Variants in SLC4A5 observed in about 807,000 individuals in gnomAD.
SLC4A5 encodes the protein electrogenic sodium bicarbonate cotransporter 4.
In SLC4A5, 96 loss-of-function variants were observed where a neutral mutation model predicts 120.4. That is an observed-to-expected ratio of 0.80 (90% confidence interval 0.68 to 0.94). SLC4A5 has a LOEUF of 0.94. Ranked by LOEUF, SLC4A5 falls within the 40% of genes least tolerant of loss-of-function variation. The probability of loss-of-function intolerance (pLI) is 0.00; values close to 1 mark genes in which losing one functional copy is unlikely to be tolerated. For synonymous variants in SLC4A5, 550 were observed against 571.1 expected, an observed-to-expected ratio of 0.96 and a Z score of 0.53; for missense variants, 1,259 against 1,459.5, an observed-to-expected ratio of 0.86 and a Z score of 2.24.
chr2:74,221,397 T>TA, intron 30 of SLC4A5, 37 bp downstream of exon 30: 1 of 1,497,674 alleles, frequency 6.7e-7, no homozygotes, highest in Admixed American at 1.7e-5. Flanking sequence ...CCTAGTCTCT[T>TA]ACCTAATACG....
intron 8 of SLC4A5, among the ~76,000 whole-genome samples, chr2:74,280,743 G>A: frequency 6.6e-6 from 1 of 151,768 alleles, no homozygotes; most frequent in Non-Finnish European, 1.5e-5. Flanking sequence ...GGAGTGCAAT[G>A]GCACGATCTC....
chr2:74,324,220 T>G (rs1299466196), intron 5 of SLC4A5, among the ~76,000 whole-genome samples: 2 of 152,180 alleles, frequency 1.3e-5, no homozygotes, highest in African/African-American at 4.8e-5. Context: ...AAGGCAGTGG[T>G]TCTCAAACTT....
At chr2:74,299,537 C>A (rs1002814351) in intron 7 of SLC4A5, among the ~76,000 whole-genome samples, 1 of 152,056 alleles carries the variant, frequency 6.6e-6, no homozygotes, top group Non-Finnish European at 1.5e-5. Context: ...TATAAATTAC[C>A]CAGTCTCAGT....
intron 7 of SLC4A5, among the ~76,000 whole-genome samples, chr2:74,294,930 C>T (rs1672283284): frequency 1.3e-5 from 2 of 152,138 alleles, no homozygotes; most frequent in South Asian, 2.1e-4. Context: ...CTCAGCCTCT[C>T]GAAGTGCTGG....
chr2:74,313,236 CT>C (rs1357161524), intron 6 of SLC4A5, among the ~76,000 whole-genome samples: 4 of 152,052 alleles, frequency 2.6e-5, no homozygotes, highest in African/African-American at 9.7e-5. Flanking sequence ...TCTCTCATCT[CT>C]GAGTGTATAA....
chr2:74,275,232 C>T (rs1558890051), intron 8 of SLC4A5, among the ~76,000 whole-genome samples: 2 of 152,164 alleles, frequency 1.3e-5, no homozygotes, highest in South Asian at 2.1e-4. Context: ...ATGGGGGTGG[C>T]CTCTGCTCCC....
rs757784751 is a variant in SLC4A5 at position 74,233,281 on chromosome 2, A to ATT, written c.2595+120_2595+121insAA. 2.2e-3 allele frequency: 2,585 copies of ATT among 1,165,528 alleles called. 5 individuals carry two copies. The highest frequency in any genetic ancestry group is 2.8e-3 in the Non-Finnish European group (2,259 of 794,186). The allele number at this position is 1,165,528 out of a possible 1,614,324, so 72.2% of individuals were successfully genotyped here. A position where few individuals can be genotyped will look rare whatever the true frequency, so the allele number is the denominator to read the frequency against. ...CCTCAACACACCAAGTGGGAACTCTAGTCTCTGTCCTCATATTTTCCTGGC... is the reference window on the plus strand; with the variant it reads ...CCTCAACACACCAAGTGGGAACTCTATTGTCTCTGTCCTCATATTTTCCTGGC... On this transcript the variant is annotated intron_variant, in intron 23 of 30. Transcript: ENST00000394019.
intron 10 of SLC4A5, among the ~76,000 whole-genome samples, chr2:74,262,991 G>A (rs1168156362): frequency 6.6e-6 from 1 of 152,238 alleles, no homozygotes; most frequent in Non-Finnish European, 1.5e-5. Context: ...GTAGTTAAGT[G>A]CTGAGTATGT....
At chr2:74,319,320 T>C (rs1418423292) in intron 5 of SLC4A5, 1 of 152,180 alleles carries the variant, frequency 6.6e-6, no homozygotes, top group Non-Finnish European at 1.5e-5. Context: ...ATGAAATATA[T>C]GCATGTAAGA....
intron 4 of SLC4A5, among the ~76,000 whole-genome samples, chr2:74,332,132 C>T (rs1340998114): frequency 1.3e-5 from 2 of 152,164 alleles, no homozygotes; most frequent in Non-Finnish European, 2.9e-5. Flanking sequence ...AGCTGCTGGA[C>T]TTCTATATCT....
intron 19 of SLC4A5, among the ~76,000 whole-genome samples, chr2:74,243,940 A>G (rs1670526202): frequency 6.6e-6 from 1 of 152,224 alleles, no homozygotes; most frequent in African/African-American, 2.4e-5. Flanking sequence ...AATGGAAGCA[A>G]AAGCAAATTG....
At chr2:74,270,275 A>T (rs940403674) in intron 8 of SLC4A5, among the ~76,000 whole-genome samples, 2 of 152,248 alleles carry the variant, frequency 1.3e-5, no homozygotes, top group East Asian at 3.8e-4. Flanking sequence ...AATTTAGCTC[A>T]CTTTCACCTT....
intron 8 of SLC4A5, among the ~76,000 whole-genome samples, chr2:74,267,088 T>A (rs991238353): frequency 6.6e-6 from 1 of 152,230 alleles, no homozygotes. Flanking sequence ...CCAGTAATCA[T>A]GGACTTTTAA....
At chr2:74,244,233 T>G (rs1459863886) in intron 19 of SLC4A5, among the ~76,000 whole-genome samples, 5 of 152,224 alleles carry the variant, frequency 3.3e-5, no homozygotes, top group Admixed American at 3.3e-4. Context: ...TTACTGGGGT[T>G]TAGTGGTCAA....
chr2:74,275,332 TCAGA>T (rs372380330), intron 8 of SLC4A5, among the ~76,000 whole-genome samples: 5 of 152,326 alleles, frequency 3.3e-5, no homozygotes, highest in African/African-American at 1.2e-4. Flanking sequence ...GTGAATGTCA[TCAGA>T]CAAAGTTACT....
chr2:74,287,978 T>C (rs1672036918), intron 7 of SLC4A5, among the ~76,000 whole-genome samples: 2 of 152,086 alleles, frequency 1.3e-5, no homozygotes, highest in Non-Finnish European at 2.9e-5. Flanking sequence ...CATCTCCTCC[T>C]TGCCCAATCA....
chr2:74,254,786 G>A, intron 13 of SLC4A5, 80 bp from the exon 14 acceptor site: 1 of 1,065,450 alleles, frequency 9.4e-7, no homozygotes, highest in Non-Finnish European at 1.4e-6. Flanking sequence ...AGAAGCAAGT[G>A]AAGAGAATTC....
chr2:74,290,254 G>C, intron 7 of SLC4A5: 1 of 985,532 alleles, frequency 1.0e-6, no homozygotes, highest in Non-Finnish European at 1.2e-6. Context: ...CTGCTCCCTG[G>C]AACAGCTGAG....
chr2:74,238,077 G>A (rs1476333103), intron 21 of SLC4A5, among the ~76,000 whole-genome samples: 1 of 152,070 alleles, frequency 6.6e-6, no homozygotes, highest in African/African-American at 2.4e-5. Flanking sequence ...ACTCCCACCT[G>A]GGTGACAGAG....
Sources: allele counts gnomAD v4.1 joint callset (sites outside exome capture counted in the v4.1 genomes callset), GRCh38; gene constraint gnomAD v4.1.1; transcripts MANE v1.5; gene names NCBI Gene and HGNC (gene_info 2026-07-23, HGNC 2026-07-21).